Variants in BMP2K observed in about 807,000 individuals in gnomAD.
The protein encoded by BMP2K is BMP2 inducible kinase.
In BMP2K, 74 loss-of-function variants were observed where a neutral mutation model predicts 116.0. The observed-to-expected ratio is 0.64, with a 90% confidence interval of 0.53 to 0.77. The LOEUF (loss-of-function observed/expected upper bound fraction) is 0.77, where lower values mean the gene tolerates loss of function less well. BMP2K is among the 30% of genes least tolerant of loss of function. The probability of loss-of-function intolerance (pLI) is 0.00; values close to 1 mark genes in which losing one functional copy is unlikely to be tolerated. For synonymous variants in BMP2K, 486 were observed against 502.5 expected (o/e 0.97, Z 0.44); for missense variants, 1,365 against 1,403.6 (o/e 0.97, Z 0.44).
chr4:78,790,012 C>T (rs1727921196), intron 1 of BMP2K, among the ~76,000 whole-genome samples: 1 of 152,144 alleles, frequency 6.6e-6, no homozygotes, highest in African/African-American at 2.4e-5. Context: ...AAAAAGAAAA[C>T]ACGATTCTTC....
intron 3 of BMP2K, among the ~76,000 whole-genome samples, chr4:78,837,941 T>C (rs778954414): frequency 3.3e-5 from 5 of 152,222 alleles, no homozygotes; most frequent in Non-Finnish European, 7.3e-5. Context: ...TGTGGCCAGC[T>C]AATGTTAGTT....
intron 1 of BMP2K, among the ~76,000 whole-genome samples, chr4:78,800,759 C>T (rs1728528244): frequency 6.6e-6 from 1 of 152,014 alleles, no homozygotes; most frequent in Non-Finnish European, 1.5e-5. Context: ...ATGGCAAACT[C>T]AACTCATGTT....
chr4:78,802,166 T>C (rs1362129310), intron 1 of BMP2K, among the ~76,000 whole-genome samples: 3 of 152,356 alleles, frequency 2.0e-5, no homozygotes, highest in Admixed American at 6.5e-5. Context: ...CGTTTTGCTG[T>C]TGAGAAGTTG....
At chr4:78,781,158 G>T (rs1727485747) in intron 1 of BMP2K, among the ~76,000 whole-genome samples, 1 of 152,174 alleles carries the variant, frequency 6.6e-6, no homozygotes, top group African/African-American at 2.4e-5. Flanking sequence ...ATGCTGAGGA[G>T]TTTAGGTTTT....
intron 1 of BMP2K, among the ~76,000 whole-genome samples, chr4:78,806,722 A>G (rs1728836762): frequency 6.6e-6 from 1 of 152,258 alleles, no homozygotes; most frequent in South Asian, 2.1e-4. Flanking sequence ...TTTCACCATT[A>G]AGTATAATGT....
In BMP2K at chr4:78,911,244, A is replaced by C; in HGVS notation, c.2697A>C (p.Thr899=). ...GLEQEEFDVF[T]KAPFSKKVNV... ...AGCAGGAGGAATTTGATGTATTCACAAAGGCGCCTTTTAGCAAGAAGGTGA... is the reference window on the plus strand; with the variant it reads ...AGCAGGAGGAATTTGATGTATTCACCAAGGCGCCTTTTAGCAAGAAGGTGA... The change falls in exon 16 of 16, where the codon ACA becomes ACC. Residue 899 remains threonine, a synonymous_variant. Transcript: ENST00000502613. 4 of 1,614,022 alleles carry C rather than the reference A, an allele frequency of 2.5e-6. No homozygotes were observed. Among genetic ancestry groups the C allele is most frequent in the Non-Finnish European group, 3.4e-6 (4 of 1,179,892 alleles).
intron 15 of BMP2K, among the ~76,000 whole-genome samples, chr4:78,896,790 C>T (rs1733726890): frequency 6.6e-6 from 1 of 152,100 alleles, no homozygotes; most frequent in Non-Finnish European, 1.5e-5. Flanking sequence ...GAAGAGTTTG[C>T]AATATTTTAA....
chr4:78,850,916 G>A lies in BMP2K; in HGVS notation c.751-8G>A, dbSNP rs759735850. 45 of 1,609,602 alleles carry A rather than the reference G, an allele frequency of 2.8e-5. No homozygotes were observed. Among genetic ancestry groups the A allele is most frequent in the Middle Eastern group, 1.7e-4 (1 of 5,988 alleles). On this transcript the variant is annotated splice_polypyrimidine_tract_variant and splice_region_variant and intron_variant, in intron 6 of 15. Transcript: ENST00000502613. ...CTCTAATGATATTTATGCTTCTTTG[G>A]TTTACAGGCACTGGGATGTCTACTC...
Position 78,868,375 on chromosome 4 carries a change from G to A in BMP2K, c.1232-2408G>A, listed in dbSNP as rs187512334. On this transcript the variant is annotated intron_variant, in intron 10 of 15. Coordinates refer to ENST00000502613, the MANE Select transcript of BMP2K (RefSeq NM_198892.2). The stretch of plus-strand genomic sequence containing the variant: ...GATTCAGTTACCTCCCCCTGGGTCC[G>A]TCCTACAACATGGGAATTCTGTGAG... 5.5e-4 allele frequency among the ~76,000 whole-genome samples: 84 copies of A among 152,236 alleles called. 1 individual carries two copies. The highest frequency in any genetic ancestry group is 2.0e-3 in the African/African-American group (82 of 41,550).
At chr4:78,823,560 T>TTATATAGTTA (rs536673545) in intron 1 of BMP2K, among the ~76,000 whole-genome samples, 1 of 147,364 alleles carries the variant, frequency 6.8e-6, no homozygotes, top group African/African-American at 2.5e-5. Context: ...TTATATATAG[T>TTATATAGTTA]TATATAGTTA....
At chr4:78,805,658 A>T (rs1728781306) in intron 1 of BMP2K, among the ~76,000 whole-genome samples, 1 of 152,048 alleles carries the variant, frequency 6.6e-6, no homozygotes, top group Admixed American at 6.6e-5. Context: ...CAGATTGTTC[A>T]TTGCTAGTGT....
chr4:78,785,778 G>C (rs1003542158), intron 1 of BMP2K, among the ~76,000 whole-genome samples: 2 of 152,090 alleles, frequency 1.3e-5, no homozygotes, highest in African/African-American at 4.8e-5. Flanking sequence ...GCCCTAATTT[G>C]GGTCCTTAAT....
intron 7 of BMP2K, among the ~76,000 whole-genome samples, chr4:78,857,755 ACT>A (rs2110041498): frequency 6.6e-6 from 1 of 152,180 alleles, no homozygotes; most frequent in Non-Finnish European, 1.5e-5. Context: ...CTTTAGAAAG[ACT>A]CAACGGAGAA....
intron 15 of BMP2K, among the ~76,000 whole-genome samples, chr4:78,896,848 A>T (rs566592546): frequency 1.1e-4 from 17 of 152,220 alleles, no homozygotes; most frequent in Non-Finnish European, 1.8e-4. Context: ...GGCACATGAC[A>T]TTATTCCTAG....
At chr4:78,861,138 A>G (rs969392557) in intron 8 of BMP2K, among the ~76,000 whole-genome samples, 3 of 151,902 alleles carry the variant, frequency 2.0e-5, no homozygotes, top group African/African-American at 7.2e-5. Context: ...AAATGGATAC[A>G]GTGGTGTTCT....
intron 15 of BMP2K, among the ~76,000 whole-genome samples, chr4:78,901,233 T>A (rs1044913297): frequency 9.3e-5 from 14 of 151,232 alleles, no homozygotes; most frequent in African/African-American, 2.4e-4. Context: ...TTTTATTATT[T>A]TTTTTTTTGT....
At position 78,915,775 on chromosome 4, in the gene BMP2K, GATAAT is replaced by G. The variant is rs1735000554; in HGVS notation, c.*3743_*3747del. The G allele has an allele frequency of 6.6e-6, 1 of 151,888 alleles. No individual in the cohort carries two copies. The allele number at this position is 151,888 out of a possible 1,614,324, so 9.4% of individuals were successfully genotyped here. On this transcript the variant is annotated 3_prime_UTR_variant, in exon 16 of 16. Coordinates refer to ENST00000502613, the MANE Select transcript of BMP2K (RefSeq NM_198892.2). ...AAGCTACTAAGAGAATAAGGTAGAT[GATAAT>G]GCAAAGGGTCATGATTTGGGGTTAT...
rs761885552 is a variant in BMP2K, at chr4:78,911,819, TCCGTGCTGATCACAA to T, written c.3273_3287del (p.Arg1092_Asn1096del). The T allele has an allele frequency of 3.1e-6, 5 of 1,613,838 alleles. No homozygotes were observed. In the East Asian group the frequency reaches 1.1e-4, roughly 36 times the overall value. Reference sequence around the variant, plus strand: ...CCTCCACATCAGGGCCTGAGCGACATCCGTGCTGATCACAATACTGTCCTGCCAGGGCGGCCAAGA... The same window carrying T: ...CCTCCACATCAGGGCCTGAGCGACATTACTGTCCTGCCAGGGCGGCCAAGA... On this transcript the variant is annotated inframe_deletion, in exon 16 of 16. Transcript: ENST00000502613.
At chr4:78,903,303 G>A (rs1159049346) in intron 15 of BMP2K, among the ~76,000 whole-genome samples, 1 of 151,936 alleles carries the variant, frequency 6.6e-6, no homozygotes, top group East Asian at 1.9e-4. Flanking sequence ...TCATTTTCCA[G>A]ATCACTAGAG....
Sources: allele counts gnomAD v4.1 joint callset (sites outside exome capture counted in the v4.1 genomes callset), GRCh38; gene constraint gnomAD v4.1.1; transcripts MANE v1.5; gene names NCBI Gene and HGNC (gene_info 2026-07-23, HGNC 2026-07-21).